PRDM1: variants seen among roughly 807,000 people sequenced by gnomAD.
PRDM1 encodes the protein PR domain zinc finger protein 1.
A neutral mutation model predicts 62.8 loss-of-function variants in PRDM1; 13 were observed. That is an observed-to-expected ratio of 0.21 (90% CI 0.13 to 0.33). PRDM1 has a LOEUF of 0.33. Among genes scored for constraint, PRDM1 ranks in the 10% least tolerant of loss-of-function variants. The pLI is 1.00. For synonymous variants in PRDM1, 396 were observed against 417.6 expected (o/e 0.95, Z 0.63); for missense variants, 895 against 1,058.8 (o/e 0.85, Z 2.15).
chr6:106,106,277 A>G lies in PRDM1; in HGVS notation c.1774-94A>G. On this transcript the variant is annotated intron_variant, in intron 5 of 6. Transcript: ENST00000369096. The surrounding 1 kb of genome is among the most constrained non-coding windows in gnomAD (Gnocchi z 4.4). ...TTAAGACTGTCTTGATGCTTTTCTT[A>G]AGATATTTGCATCAACACTTGAGTC... The G allele has an allele frequency of 6.7e-7, 1 of 1,492,908 alleles. No homozygotes were observed. The allele number at this position is 1,492,908 out of a possible 1,614,324, so 92.5% of individuals were successfully genotyped here. A position where few individuals can be genotyped will look rare whatever the true frequency, so the allele number is the denominator to read the frequency against.
intron 1 of PRDM1, among the ~76,000 whole-genome samples, chr6:106,067,077 A>G (rs1773445270): frequency 6.6e-6 from 1 of 152,172 alleles, no homozygotes; most frequent in Non-Finnish European, 1.5e-5. Flanking sequence ...ACAGCATGTA[A>G]ATAGTAGAGC....
intron 1 of PRDM1, among the ~76,000 whole-genome samples, chr6:106,049,294 C>T (rs1345346792): frequency 6.6e-6 from 1 of 152,204 alleles, no homozygotes; most frequent in Non-Finnish European, 1.5e-5. Flanking sequence ...AGCTTGACAG[C>T]AAATGTTGAA....
At chr6:106,039,761 T>C (rs576308999) in intron 1 of PRDM1, among the ~76,000 whole-genome samples, 1 of 152,224 alleles carries the variant, frequency 6.6e-6, no homozygotes, top group Non-Finnish European at 1.5e-5. Flanking sequence ...GAAACAGTAG[T>C]ACTAAATGGG....
At chr6:106,071,955 A>G (rs1450294611) in intron 1 of PRDM1, 2 of 152,208 alleles carry the variant, frequency 1.3e-5, no homozygotes, top group Non-Finnish European at 2.9e-5. Flanking sequence ...AGCATTCTCA[A>G]GGTTCATTAA....
chr6:106,023,315 A>G (rs1402235671), intron 1 of PRDM1, among the ~76,000 whole-genome samples: 1 of 152,022 alleles, frequency 6.6e-6, no homozygotes, highest in Non-Finnish European at 1.5e-5. Flanking sequence ...TGGCACTTTA[A>G]TAAGACTCCC....
chr6:106,040,514 C>T (rs568347399), intron 1 of PRDM1, among the ~76,000 whole-genome samples: 3 of 152,300 alleles, frequency 2.0e-5, no homozygotes, highest in Admixed American at 6.5e-5. Context: ...TCTACTTTCT[C>T]AGTGATTAAG....
Position 106,075,005 on chromosome 6 carries a change from T to C in PRDM1, c.-66-13196T>C, listed in dbSNP as rs569156466. 9.8e-5 allele frequency among the ~76,000 whole-genome samples: 15 copies of C among 152,354 alleles called. No homozygotes were observed. In the South Asian group the frequency reaches 3.1e-3, roughly 32 times the overall value. On this transcript the variant is annotated intron_variant, in intron 1 of 6. Coordinates refer to the PRDM1 transcript ENST00000651185. ...TAATGTTTAAGGTTAATAGTCATCA[T>C]TTTAAAGAAGCTCTAACTTAACTGT...
intron 1 of PRDM1, among the ~76,000 whole-genome samples, chr6:106,032,157 T>C (rs905862845): frequency 6.6e-6 from 1 of 151,664 alleles, no homozygotes; most frequent in African/African-American, 2.4e-5. Flanking sequence ...TAGCTAGGCA[T>C]ATTAAAGAAT....
rs996580593 is a variant in PRDM1, at chr6:106,012,472, TCA to T, written c.-67+18847_-67+18848del. 1.6e-4 allele frequency among the ~76,000 whole-genome samples: 23 copies of T among 145,076 alleles called. 1 individual carries two copies. The highest frequency in any genetic ancestry group is 1.1e-3 in the Admixed American group (16 of 14,610). On this transcript the variant is annotated intron_variant, in intron 1 of 6. Transcript: ENST00000652320. ...ACATGCATATCACACCCCTCCACAT[TCA>T]CACACACACACACCCCTCCACATTT...
At chr6:106,010,546 A>T (rs1772533179) in intron 1 of PRDM1, among the ~76,000 whole-genome samples, 1 of 152,084 alleles carries the variant, frequency 6.6e-6, no homozygotes, top group African/African-American at 2.4e-5. Flanking sequence ...TATCAAATCA[A>T]TCCATTTCAT....
At chr6:106,009,468 T>A (rs1480817013) in intron 1 of PRDM1, among the ~76,000 whole-genome samples, 1 of 152,200 alleles carries the variant, frequency 6.6e-6, no homozygotes. Flanking sequence ...AGGATTATAT[T>A]TTCATTTTCT....
intron 1 of PRDM1, among the ~76,000 whole-genome samples, chr6:106,014,058 A>ATTTTTT (rs71006664): frequency 8.6e-5 from 9 of 105,096 alleles, no homozygotes; most frequent in South Asian, 3.1e-4. Context: ...AGGACAAGGA[A>ATTTTTT]TTTTTTTTTT....
intron 1 of PRDM1, among the ~76,000 whole-genome samples, chr6:106,034,263 C>T (rs1772891392): frequency 6.6e-6 from 1 of 151,520 alleles, no homozygotes; most frequent in African/African-American, 2.4e-5. Context: ...TTTATCTTTG[C>T]TCTAATCGTT....
At chr6:105,995,741 TCAGCTAGA>T (rs907874975) in intron 1 of PRDM1, among the ~76,000 whole-genome samples, 5 of 152,110 alleles carry the variant, frequency 3.3e-5, no homozygotes, top group African/African-American at 1.2e-4. Context: ...TTTTAATCAG[TCAGCTAGA>T]CTTGGTTCTT....
At chr6:105,992,978 A>C (rs1397220549), upstream of PRDM1, among the ~76,000 whole-genome samples, 1 of 152,160 alleles carries the variant, frequency 6.6e-6, no homozygotes, top group Non-Finnish European at 1.5e-5. Context: ...TTCCTCCAAA[A>C]GGATGGTTGG....
intron 1 of PRDM1, among the ~76,000 whole-genome samples, chr6:106,040,034 A>G (rs984883330): frequency 9.2e-5 from 14 of 152,230 alleles, no homozygotes; most frequent in African/African-American, 3.4e-4. Context: ...ACTTTCCCTG[A>G]TCACTAAGAC....
intron 3 of PRDM1, chr6:106,098,146 G>A (rs1358147029): frequency 1.3e-5 from 13 of 971,680 alleles, no homozygotes; most frequent in African/African-American, 3.5e-5. Context: ...TGTCCGGTGA[G>A]CACAAAATTC....
chr6:106,021,356 C>T (rs1772694216), intron 1 of PRDM1, among the ~76,000 whole-genome samples: 1 of 152,188 alleles, frequency 6.6e-6, no homozygotes, highest in Admixed American at 6.5e-5. Flanking sequence ...AGGCTGTGTG[C>T]TCTTGCACAC....
chr6:106,031,987 C>T (rs1772850162), intron 1 of PRDM1, among the ~76,000 whole-genome samples: 1 of 152,000 alleles, frequency 6.6e-6, no homozygotes, highest in Non-Finnish European at 1.5e-5. Context: ...ATTTATTTTT[C>T]CTGAGGCATT....
Sources: gnomAD v4.1 joint callset for allele counts (sites outside exome capture counted in the v4.1 genomes callset) on GRCh38, gnomAD v4.1.1 for gene constraint, Gnocchi (gnomAD v3.1) non-coding constraint, MANE v1.5 for transcripts, NCBI Gene and HGNC (gene_info 2026-07-23, HGNC 2026-07-21) for gene names.